TET3: variants seen among roughly 807,000 people sequenced by gnomAD.
The protein encoded by TET3 is methylcytosine dioxygenase TET3.
A neutral mutation model predicts 141.4 loss-of-function variants in TET3; 19 were observed. The ratio of observed to expected loss-of-function variants is 0.13; its 90% CI spans 0.09 to 0.20. TET3 has a LOEUF of 0.20. TET3 is among the 10% of genes least tolerant of loss of function. The pLI is 1.00. For synonymous variants in TET3, 1,043 were observed against 980.9 expected, an observed-to-expected ratio of 1.06 and a Z score of -1.18; for missense variants, 1,874 against 2,356.9, an observed-to-expected ratio of 0.80 and a Z score of 4.24.
rs1174366098 is a variant in TET3 at position 74,103,849 on chromosome 2, A to G, written c.*1673A>G. 3 of 153,768 alleles carry G rather than the reference A, an allele frequency of 2.0e-5. No homozygotes were observed. Among genetic ancestry groups the G allele is most frequent in the Non-Finnish European group, 4.4e-5 (3 of 68,064 alleles). 9.5% of individuals were successfully genotyped at this position (153,768 alleles called of 1,614,324 possible). ...AGAGGGGAATGTGGCCACACGGTGG[A>G]TGACCACCAAGCCCTGAGATGAACA... On this transcript the variant is annotated 3_prime_UTR_variant, in exon 12 of 12. Coordinates refer to ENST00000409262, the MANE Select transcript of TET3 (RefSeq NM_001287491.2).
chr2:74,130,460 A>T, the TET3 span: 1 of 152,250 alleles, frequency 6.6e-6, no homozygotes, highest in Middle Eastern at 3.2e-3. Context: ...GTGAGCGTGC[A>T]AGAGTGCGCG....
chr2:74,132,162 C>T, the TET3 span, among the ~76,000 whole-genome samples: 8 of 152,104 alleles, frequency 5.3e-5, no homozygotes, highest in East Asian at 1.9e-4. Flanking sequence ...CTTTTGGTAA[C>T]GCCTTCTCTC....
Position 74,099,441 on chromosome 2 carries a change from T to G in TET3, c.3433T>G (p.Phe1145Val). Residue 1145 changes from phenylalanine to valine, a missense_variant, in exon 11 of 12, where the codon TTC becomes GTC. Around this residue, in one of 10 missense-constraint regions of TET3, gnomAD observed 53 missense variants for 112.8 expected, o/e 0.47. Coordinates refer to ENST00000409262, the MANE Select transcript of TET3 (RefSeq NM_001287491.2). ...GSGAIQVLTA[F>V]PREVRRLPEP... ...CGGAGCCATCCAGGTGCTCACCGCC[T>G]TCCCCCGCGAGGTCCGACGCCTGCC... 6.2e-7 allele frequency: 1 copy of G among 1,613,950 alleles called. No homozygotes were observed. Among genetic ancestry groups the G allele is most frequent in the Non-Finnish European group, 8.5e-7 (1 of 1,179,868 alleles).
intron 3 of TET3, among the ~76,000 whole-genome samples, chr2:74,023,738 C>A (rs1385633003): frequency 6.6e-6 from 1 of 152,094 alleles, no homozygotes; most frequent in Admixed American, 6.6e-5. Flanking sequence ...GAAAATTGTT[C>A]TTTAATTCAT....
intron 3 of TET3, among the ~76,000 whole-genome samples, chr2:74,021,572 C>T (rs1165494358): frequency 6.6e-6 from 1 of 152,182 alleles, no homozygotes; most frequent in African/African-American, 2.4e-5. Flanking sequence ...CGAGGCCTTC[C>T]CCTCATCTGC....
At chr2:74,037,731 C>G (rs1687144693) in intron 3 of TET3, among the ~76,000 whole-genome samples, 1 of 152,224 alleles carries the variant, frequency 6.6e-6, no homozygotes, top group East Asian at 1.9e-4. Flanking sequence ...CCTCCAGACT[C>G]TGTTCCTCTT....
At chr2:74,023,244 TTTTA>T (rs2105255297) in intron 3 of TET3, among the ~76,000 whole-genome samples, 2 of 152,290 alleles carry the variant, frequency 1.3e-5, no homozygotes, top group East Asian at 3.9e-4. Flanking sequence ...TTATTTTTAT[TTTTA>T]TTTAATTTCG....
intron 4 of TET3, among the ~76,000 whole-genome samples, chr2:74,056,464 A>C (rs1329008036): frequency 1.3e-5 from 2 of 152,226 alleles, no homozygotes; most frequent in Non-Finnish European, 2.9e-5. Context: ...CTGTATAACG[A>C]GCACTTTCTC....
chr2:74,095,710 T>C (rs547679789), intron 10 of TET3, among the ~76,000 whole-genome samples: 1 of 152,392 alleles, frequency 6.6e-6, no homozygotes, highest in African/African-American at 2.4e-5. Context: ...CGAGGCTGTA[T>C]GTATGGCTCT....
chr2:74,009,274 A>G (rs569514245), intron 3 of TET3, among the ~76,000 whole-genome samples: 3 of 149,414 alleles, frequency 2.0e-5, no homozygotes, highest in South Asian at 4.2e-4. Context: ...GAGGCTGGTA[A>G]CTCCTGTAGG....
At position 74,002,272 on chromosome 2, in the gene TET3, C is replaced by T. The variant is rs569407795; in HGVS notation, c.304-838C>T. On this transcript the variant is annotated intron_variant, in intron 2 of 11. Transcript: ENST00000409262. ...TTCTTCTTTTTTGAGGATGAAGGGG[C>T]TATTGCACCTCATGCCCTTGTGACA... Among the ~76,000 whole-genome samples the T allele has an allele frequency of 2.0e-5, 3 of 152,296 alleles. No homozygotes were observed. In the East Asian group the frequency reaches 5.8e-4, roughly 29 times the overall value.
At position 74,101,939 on chromosome 2, in the gene TET3, G is replaced by T. The variant is rs201890863; in HGVS notation, c.5151G>T (p.Ala1717=). 3 of 1,613,040 alleles carry T rather than the reference G, an allele frequency of 1.9e-6. No homozygotes were observed. In the African/African-American group the frequency reaches 4.0e-5, roughly 22 times the overall value. The change falls in exon 12 of 12, where the codon GCG becomes GCT. Residue 1717 remains alanine (A), a synonymous_variant. Transcript: ENST00000409262. The surrounding 1 kb of genome is among the most constrained non-coding windows in gnomAD (Gnocchi z 8.5). ...GGGAAGCCAAGATGAAGCAGCTGGC[G>T]GAGAGGGCACGGGCACGGCAGGAGG... ...ALWEAKMKQL[A]ERARARQEEA... is the part of the protein sequence containing the mutation.
intron 6 of TET3, among the ~76,000 whole-genome samples, chr2:74,080,798 A>G (rs185452773): frequency 3.3e-5 from 5 of 151,940 alleles, no homozygotes; most frequent in Admixed American, 1.3e-4. Flanking sequence ...CATTTCCCCC[A>G]GCCTCAGCTG....
chr2:74,054,941 G>T (rs910819994), intron 4 of TET3, among the ~76,000 whole-genome samples: 3 of 152,116 alleles, frequency 2.0e-5, no homozygotes, highest in Admixed American at 6.5e-5. Context: ...TGTCACTCAG[G>T]CTGGATAGCA....
At chr2:74,100,027 T>G (rs946413297) in intron 11 of TET3, among the ~76,000 whole-genome samples, 1 of 152,186 alleles carries the variant, frequency 6.6e-6, no homozygotes, top group South Asian at 2.1e-4. Context: ...CTCCTGGCCC[T>G]GGTCCCTGCA....
chr2:74,023,606 T>C (rs1043066338), intron 3 of TET3, among the ~76,000 whole-genome samples: 21 of 152,192 alleles, frequency 1.4e-4, no homozygotes, highest in Admixed American at 5.9e-4. Context: ...CCAGAGACTT[T>C]AGGCTGTGGG....
intron 3 of TET3, among the ~76,000 whole-genome samples, chr2:74,034,923 T>C (rs748028581): frequency 4.6e-5 from 7 of 151,584 alleles, no homozygotes; most frequent in Admixed American, 2.6e-4. Flanking sequence ...CCGGGCGCAG[T>C]GGCTATGCCT....
intron 4 of TET3, among the ~76,000 whole-genome samples, chr2:74,068,470 T>G (rs1026384904): frequency 6.6e-6 from 1 of 152,236 alleles, no homozygotes; most frequent in Non-Finnish European, 1.5e-5. Flanking sequence ...TTTCATTATA[T>G]GGATATGCTG....
intron 2 of TET3, 81 bp from the exon 3 acceptor site, chr2:74,003,029 G>A (rs915134885): frequency 6.7e-7 from 1 of 1,486,312 alleles, no homozygotes; most frequent in Non-Finnish European, 9.2e-7. Context: ...CCCTCCGGCC[G>A]GGCTGGGGGC....
Sources: gnomAD v4.1 joint callset for allele counts (sites outside exome capture counted in the v4.1 genomes callset) on GRCh38, gnomAD v4.1.1 for gene constraint, gnomAD v4.1.1 regional missense constraint, Gnocchi (gnomAD v3.1) non-coding constraint, MANE v1.5 for transcripts, NCBI Gene and HGNC (gene_info 2026-07-23, HGNC 2026-07-21) for gene names.